OOSP4A: variants seen among roughly 807,000 people sequenced by gnomAD.
OOSP4A encodes oocyte-secreted protein 4A.
chr11:59,968,319 G>A (rs1160725738), intron 3 of OOSP4A, among the ~76,000 whole-genome samples: 1 of 152,154 alleles, frequency 6.6e-6, no homozygotes, highest in East Asian at 1.9e-4. Flanking sequence ...GTTTTTTGGA[G>A]TTCTTAGAAA....
In OOSP4A at chr11:59,965,504, T is replaced by A. The variant is rs545619599; in HGVS notation, c.68-31T>A. 307 of 398,400 alleles carry A rather than the reference T, an allele frequency of 7.7e-4. 2 individuals are homozygous for A. The highest frequency in any genetic ancestry group is 1.2e-3 in the Non-Finnish European group (281 of 225,890). 24.7% of individuals were successfully genotyped at this position (398,400 alleles called of 1,614,324 possible). ...GTTTGGGGGCAGACGTACTATTTGA[T>A]GTTTTCCCTTTTTAAATTTTCTTTC... On this transcript the variant is annotated intron_variant, in intron 1 of 4. Transcript: ENST00000645590.
chr11:59,965,502 G>A (rs1854089894), intron 1 of OOSP4A, 33 bp from the exon 2 acceptor site: 1 of 398,184 alleles, frequency 2.5e-6, no homozygotes, highest in African/African-American at 2.1e-5. Flanking sequence ...CGTACTATTT[G>A]ATGTTTTCCC....
chr11:59,969,412 T>C (rs1854134081), intron 4 of OOSP4A, 128 bp downstream of exon 4: 1 of 395,896 alleles, frequency 2.5e-6, no homozygotes, highest in African/African-American at 2.1e-5. Flanking sequence ...TAGTTCAGGA[T>C]CATTGGAATA....
exon 2 of OOSP4A, chr11:59,965,538 C>T (rs1381126083): frequency 2.5e-6 from 1 of 398,330 alleles, no homozygotes; most frequent in African/African-American, 2.1e-5. Flanking sequence ...TCAACAGTGT[C>T]TATAACCTGT....
intron 1 of OOSP4A, among the ~76,000 whole-genome samples, chr11:59,964,740 G>A (rs1238728835): frequency 6.6e-6 from 1 of 152,184 alleles, no homozygotes; most frequent in African/African-American, 2.4e-5. Flanking sequence ...CGGAGTAACT[G>A]CAGTATTATT....
At chr11:59,968,879 G>A (rs766540319) in intron 3 of OOSP4A, among the ~76,000 whole-genome samples, 27 of 152,168 alleles carry the variant, frequency 1.8e-4, no homozygotes, top group Non-Finnish European at 3.7e-4. Context: ...CTTATTAAGA[G>A]TTCTTGGTAT....
intron 1 of OOSP4A, 121 bp from the exon 2 acceptor site, chr11:59,965,414 G>C: frequency 2.5e-6 from 1 of 396,456 alleles, no homozygotes; most frequent in Non-Finnish European, 4.4e-6. Flanking sequence ...ACAAATAGGA[G>C]CAAAACATTT....
rs139235197 is a variant in OOSP4A, at chr11:59,970,039, G to A, written c.480-10G>A. ...ACAACAATGTAACTGTTTCTTTTCC[G>A]TCCTTACAGGAACAGTGTTCCCTTG... On this transcript the variant is annotated splice_polypyrimidine_tract_variant and intron_variant, in intron 4 of 4. Transcript: ENST00000645590. The A allele has an allele frequency of 4.5e-3, 1,808 of 397,828 alleles. 38 individuals are homozygous for A. Among genetic ancestry groups the A allele is most frequent in the African/African-American group, 0.035 (1,678 of 48,614 alleles). The allele number at this position is 397,828 out of a possible 1,614,324, so 24.6% of individuals were successfully genotyped here. A position where few individuals can be genotyped will look rare whatever the true frequency, so the allele number is the denominator to read the frequency against.
chr11:59,967,899 C>T (rs576444726), intron 3 of OOSP4A, among the ~76,000 whole-genome samples: 1 of 152,164 alleles, frequency 6.6e-6, no homozygotes, highest in South Asian at 2.1e-4. Flanking sequence ...CTCTGTGTCT[C>T]TGGAGACACA....
At position 59,965,718 on chromosome 11, in the gene OOSP4A, G is replaced by C. The variant is rs1854091913; in HGVS notation, c.246+5G>C. ...TTTTGTGGCATCAGAGTGAGCGTAA[G>C]AGCAGTTATTATTTCAACCAATAAT... On this transcript the variant is annotated splice_donor_5th_base_variant and intron_variant, in intron 2 of 4. Coordinates refer to ENST00000645590, the Ensembl canonical transcript of OOSP4A. The C allele has an allele frequency of 7.5e-6, 3 of 398,284 alleles. No individual in the cohort carries two copies. The highest frequency in any genetic ancestry group is 2.5e-4 in the South Asian group (2 of 7,850). 24.7% of individuals were successfully genotyped at this position (398,284 alleles called of 1,614,324 possible). A position where few individuals can be genotyped will look rare whatever the true frequency, so the allele number is the denominator to read the frequency against.
At chr11:59,969,383 A>G (rs1854133939) in intron 4 of OOSP4A, 99 bp downstream of exon 4, 4 of 396,504 alleles carry the variant, frequency 1.0e-5, no homozygotes, top group African/African-American at 8.2e-5. Flanking sequence ...CATTTTGTGT[A>G]CTATTGCCCA....
chr11:59,967,730 C>T (rs1854115389), intron 3 of OOSP4A, among the ~76,000 whole-genome samples: 1 of 151,764 alleles, frequency 6.6e-6, no homozygotes, highest in Admixed American at 6.6e-5. Context: ...ATTGGAGAAA[C>T]TTTTCTGCAA....
intron 1 of OOSP4A, among the ~76,000 whole-genome samples, chr11:59,965,160 G>A (rs1188601700): frequency 9.3e-6 from 1 of 107,916 alleles, no homozygotes; most frequent in Admixed American, 1.0e-4. Flanking sequence ...GGAGGGGGGA[G>A]GGGGGAGGGA....
intron 1 of OOSP4A, among the ~76,000 whole-genome samples, chr11:59,964,639 G>A (rs1454290918): frequency 2.0e-5 from 3 of 151,948 alleles, no homozygotes; most frequent in African/African-American, 7.3e-5. Context: ...TGTAAATATG[G>A]GATAATAATA....
At chr11:59,966,935 A>G (rs1416834082) in intron 2 of OOSP4A, 132 bp from the exon 3 acceptor site, 1 of 372,762 alleles carries the variant, frequency 2.7e-6, no homozygotes, top group Non-Finnish European at 4.7e-6. Context: ...CCGTGCACTC[A>G]TACCTATTTT....
intron 1 of OOSP4A, among the ~76,000 whole-genome samples, chr11:59,964,574 A>G (rs556206732): frequency 1.1e-4 from 17 of 152,294 alleles, no homozygotes; most frequent in African/African-American, 3.6e-4. Flanking sequence ...GATTTGGCAT[A>G]GATTTTAATC....
At chr11:59,966,680 T>C (rs1171717050) in intron 2 of OOSP4A, among the ~76,000 whole-genome samples, 1 of 152,188 alleles carries the variant, frequency 6.6e-6, no homozygotes, top group East Asian at 1.9e-4. Flanking sequence ...TTCACCTTGT[T>C]GGTCAGGATG....
chr11:59,969,173 T>G, exon 4 of OOSP4A: 1 of 398,712 alleles, frequency 2.5e-6, no homozygotes, highest in Non-Finnish European at 4.4e-6. Flanking sequence ...ATCTTAGTAA[T>G]GAGAGGGAGA....
chr11:59,965,035 G>A (rs1023888688), intron 1 of OOSP4A, among the ~76,000 whole-genome samples: 3 of 150,542 alleles, frequency 2.0e-5, no homozygotes, highest in Admixed American at 1.3e-4. Context: ...CTCAACTATC[G>A]CAAGGACAAA....
Sources: gnomAD v4.1 joint callset for allele counts (sites outside exome capture counted in the v4.1 genomes callset) on GRCh38, gnomAD v4.1.1 for gene constraint, MANE v1.5 for transcripts, NCBI Gene and HGNC (gene_info 2026-07-23, HGNC 2026-07-21) for gene names.